Variants in STAM observed in about 807,000 individuals in gnomAD.
STAM encodes the protein signal transducing adaptor molecule.
STAM carries 16 observed loss-of-function variants against 63.4 expected under a neutral mutation model. That is an observed-to-expected ratio of 0.25 (90% CI 0.17 to 0.38). STAM has a LOEUF of 0.38. STAM is among the 10% of genes least tolerant of loss of function. The pLI, the probability that STAM is intolerant of heterozygous loss-of-function variation, is 1.00. For missense variants in STAM, 636 were observed against 657.1 expected (o/e 0.97, Z 0.35); for synonymous variants, 238 against 223.9 (o/e 1.06, Z -0.56).
chr10:17,694,959 G>C, intron 6 of STAM, 90 bp from the exon 7 acceptor site: 1 of 1,239,576 alleles, frequency 8.1e-7, no homozygotes. Context: ...ATTGAAGGAA[G>C]AATACCTTTT....
intron 2 of STAM, among the ~76,000 whole-genome samples, chr10:17,670,671 T>A (rs1421877346): frequency 6.6e-6 from 1 of 152,160 alleles, no homozygotes; most frequent in Admixed American, 6.5e-5. Flanking sequence ...TGTAGAAGTT[T>A]AGTTTATCTG....
chr10:17,687,309 T>G (rs1360385467), intron 4 of STAM, among the ~76,000 whole-genome samples: 1 of 152,094 alleles, frequency 6.6e-6, no homozygotes, highest in East Asian at 1.9e-4. Context: ...ACCCCGCGTC[T>G]GCTAAAAGTA....
rs34207861 is a variant in STAM at position 17,667,128 on chromosome 10, A to ATT, written c.125+6594_125+6595dup. Reference sequence around the variant, plus strand: ...GGAAGTGTTCCAGCAGAGTTAAATAATTTTTTTTTTTTTTTGAGACAGAGT... The same window carrying ATT: ...GGAAGTGTTCCAGCAGAGTTAAATAATTTTTTTTTTTTTTTTTGAGACAGAGT... On this transcript the variant is annotated intron_variant, in intron 2 of 13. Transcript: ENST00000377524. Among the ~76,000 whole-genome samples the ATT allele has an allele frequency of 5.1e-4, 76 of 148,834 alleles. 1 individual carries two copies. Among genetic ancestry groups the ATT allele is most frequent in the Middle Eastern group, 3.4e-3 (1 of 294 alleles).
intron 7 of STAM, 52 bp from the exon 8 acceptor site, chr10:17,696,723 A>G: frequency 7.6e-7 from 1 of 1,319,976 alleles, no homozygotes; most frequent in Non-Finnish European, 1.1e-6. Context: ...ATAAAGATGT[A>G]CAGAAATAAA....
At chr10:17,696,121 C>T (rs1554827433) in intron 7 of STAM, 1 of 151,996 alleles carries the variant, frequency 6.6e-6, no homozygotes, top group Non-Finnish European at 1.5e-5. Flanking sequence ...GGATTTCAAC[C>T]TGTGAATTTT....
At chr10:17,677,960 TTTTACTTTTATAAATACATATATA>T (rs1381040997) in intron 2 of STAM, among the ~76,000 whole-genome samples, 2 of 148,154 alleles carry the variant, frequency 1.3e-5, no homozygotes, top group African/African-American at 2.5e-5. Context: ...CGATAAAAGT[TTTTACTTTTATAAATACATATATA>T]TTTCACATAC....
At chr10:17,674,899 A>G (rs561117271) in intron 2 of STAM, among the ~76,000 whole-genome samples, 13 of 152,246 alleles carry the variant, frequency 8.5e-5, no homozygotes, top group Non-Finnish European at 1.6e-4. Flanking sequence ...AAACAAAATT[A>G]TAAATTCCAC....
chr10:17,684,057 G>A (rs1248939672), intron 2 of STAM, among the ~76,000 whole-genome samples: 1 of 152,128 alleles, frequency 6.6e-6, no homozygotes, highest in Non-Finnish European at 1.5e-5. Flanking sequence ...CTTCACTGTG[G>A]CCTCATCTCT....
At chr10:17,658,470 T>A (rs1020283150) in intron 1 of STAM, among the ~76,000 whole-genome samples, 3 of 152,186 alleles carry the variant, frequency 2.0e-5, no homozygotes, top group African/African-American at 7.2e-5. Flanking sequence ...ATTGATGGTG[T>A]TGTTGAGTTC....
At position 17,705,717 on chromosome 10, in the gene STAM, G is replaced by A. The variant is rs782593753; in HGVS notation, c.1185G>A (p.Gln395=). ...TACAGAATCAGCCATATTATATGCA[G>A]TCATCTGGTGTTTCTGGTTCTCAGG... ...AKLQNQPYYM[Q]SSGVSGSQVY... is the part of the protein sequence containing the mutation. The change falls in exon 12 of 14, where the codon CAG becomes CAA. Residue 395 remains glutamine (Q), a synonymous_variant. Transcript: ENST00000377524. 6.2e-7 allele frequency: 1 copy of A among 1,611,910 alleles called. No individual in the cohort carries two copies. Among genetic ancestry groups the A allele is most frequent in the Admixed American group, 1.7e-5 (1 of 59,562 alleles).
At chr10:17,689,216 T>C (rs1835428551) in intron 5 of STAM, among the ~76,000 whole-genome samples, 1 of 152,228 alleles carries the variant, frequency 6.6e-6, no homozygotes, top group African/African-American at 2.4e-5. Context: ...TTAAAATATG[T>C]GCTGATTTAC....
chr10:17,659,830 G>A (rs1378596730), intron 1 of STAM, among the ~76,000 whole-genome samples: 1 of 151,962 alleles, frequency 6.6e-6, no homozygotes, highest in Non-Finnish European at 1.5e-5. Flanking sequence ...TCTTTGTTAA[G>A]AAGTTCTGCT....
intron 11 of STAM, among the ~76,000 whole-genome samples, chr10:17,705,243 G>A (rs1325300512): frequency 2.0e-5 from 3 of 152,136 alleles, no homozygotes; most frequent in African/African-American, 4.8e-5. Flanking sequence ...AAGGACCAGC[G>A]TAGATAGGTC....
intron 2 of STAM, among the ~76,000 whole-genome samples, chr10:17,679,060 C>T (rs138358829): frequency 2.0e-4 from 31 of 152,252 alleles, no homozygotes; most frequent in African/African-American, 7.0e-4. Context: ...ATTAATACTA[C>T]TCTGAACATG....
At chr10:17,660,315 G>A (rs1436234828) in intron 1 of STAM, 149 bp from the exon 2 acceptor site, 2 of 495,800 alleles carry the variant, frequency 4.0e-6, no homozygotes, top group Non-Finnish European at 7.1e-6. Flanking sequence ...ATCTTTTCAA[G>A]ATGGCCATGA....
intron 2 of STAM, among the ~76,000 whole-genome samples, chr10:17,663,766 A>T (rs550583691): frequency 2.0e-5 from 3 of 152,182 alleles, no homozygotes; most frequent in South Asian, 4.1e-4. Flanking sequence ...TTGAGGTTTT[A>T]AAAAAATGTC....
chr10:17,649,141 C>T (rs10904977), intron 1 of STAM, among the ~76,000 whole-genome samples: 17,079 of 152,234 alleles, frequency 0.11, 1,037 homozygotes, highest in Middle Eastern at 0.16. Context: ...CAGTGGCTCA[C>T]GCCAGTAACC....
intron 5 of STAM, among the ~76,000 whole-genome samples, chr10:17,692,250 G>C (rs188771007): frequency 2.5e-4 from 38 of 152,276 alleles, no homozygotes; most frequent in African/African-American, 8.4e-4. Flanking sequence ...TCATATCGCA[G>C]TACCTTGTTT....
intron 13 of STAM, among the ~76,000 whole-genome samples, chr10:17,713,234 C>T (rs544062050): frequency 3.9e-5 from 6 of 152,302 alleles, no homozygotes; most frequent in South Asian, 2.1e-4. Flanking sequence ...AGGTCCAGTG[C>T]ACAGTAGATG....
Sources: gnomAD v4.1 joint callset for allele counts (sites outside exome capture counted in the v4.1 genomes callset) on GRCh38, gnomAD v4.1.1 for gene constraint, MANE v1.5 for transcripts, NCBI Gene and HGNC (gene_info 2026-07-23, HGNC 2026-07-21) for gene names.